Variants in ALX4 observed in about 807,000 individuals in gnomAD.
The protein encoded by ALX4 is homeobox protein aristaless-like 4.
A neutral mutation model predicts 40.6 loss-of-function variants in ALX4; 22 were observed. The observed-to-expected ratio is 0.54, with a 90% CI of 0.39 to 0.77. The LOEUF (loss-of-function observed/expected upper bound fraction) is 0.77. Ranked by LOEUF, ALX4 falls within the 30% of genes least tolerant of loss-of-function variation. The pLI, the probability that ALX4 is intolerant of heterozygous loss-of-function variation, is 0.00. For missense variants in ALX4, 556 were observed against 564.8 expected (o/e 0.98, Z 0.16); for synonymous variants, 266 against 240.5 (o/e 1.11, Z -0.98).
intron 1 of ALX4, among the ~76,000 whole-genome samples, chr11:44,291,252 G>A (rs1956366967): frequency 6.6e-6 from 1 of 152,138 alleles, no homozygotes; most frequent in African/African-American, 2.4e-5. Flanking sequence ...TTTAAAGAGT[G>A]GATTCACGGC....
At chr11:44,301,711 C>T (rs775142399) in intron 1 of ALX4, among the ~76,000 whole-genome samples, 37 of 152,330 alleles carry the variant, frequency 2.4e-4, no homozygotes, top group Non-Finnish European at 4.6e-4. Context: ...TGCCTTTCCA[C>T]CCATTGTAGT....
rs562845975 is a variant in ALX4, at chr11:44,283,172, G to A, written c.467-7514C>T. On this transcript the variant is annotated intron_variant, in intron 1 of 3. Transcript: ENST00000652299. ...TGAGGCAGGAGAATCGCTTGAACAC[G>A]GGAGGTGCAGATTACACTGAACTGA... 4.6e-5 allele frequency among the ~76,000 whole-genome samples: 7 copies of A among 151,500 alleles called. No individual in the cohort carries two copies. The East Asian group carries it at 9.7e-4, about 21-fold the overall frequency.
chr11:44,280,085 C>T (rs1159549755), intron 1 of ALX4, among the ~76,000 whole-genome samples: 4 of 152,158 alleles, frequency 2.6e-5, no homozygotes, highest in Admixed American at 6.5e-5. Context: ...GGGAGAAAGT[C>T]GGGTGGGATA....
At chr11:44,279,865 C>A (rs761366165) in intron 1 of ALX4, among the ~76,000 whole-genome samples, 3 of 151,932 alleles carry the variant, frequency 2.0e-5, no homozygotes, top group Non-Finnish European at 4.4e-5. Flanking sequence ...CCTTCTCAGC[C>A]TGAGGCTCAG....
In ALX4 at chr11:44,267,534, T is replaced by C. The variant is rs1320494944; in HGVS notation, c.866A>G (p.Tyr289Cys). 12 of 1,614,006 alleles carry C rather than the reference T, an allele frequency of 7.4e-6. No individual in the cohort carries two copies. Among genetic ancestry groups the C allele is most frequent in the Non-Finnish European group, 9.3e-6 (11 of 1,180,022 alleles). The change falls in exon 3 of 4, where the codon TAT (tyrosine) becomes TGT (cysteine). Residue 289 changes from tyrosine (Y) to cysteine (C), a missense_variant. Transcript: ENST00000652299. The part of the protein sequence containing the change: ...QQVRTHFSTA[Y>C]ELPLLTRAEN... ...AGCTCGGGTGAGGAGGGGCAGCTCATATGCAGTGGAGAAGTGGGTTCGAAC... is the reference window on the plus strand; with the variant it reads ...AGCTCGGGTGAGGAGGGGCAGCTCACATGCAGTGGAGAAGTGGGTTCGAAC...
chr11:44,309,547 G>C, intron 1 of ALX4, 50 bp downstream of exon 1: 3 of 1,536,348 alleles, frequency 2.0e-6, no homozygotes, highest in Non-Finnish European at 2.6e-6. Flanking sequence ...GGATGCGGAA[G>C]CCAAGCACCC....
chr11:44,308,297 C>T (rs1956481477), intron 1 of ALX4, among the ~76,000 whole-genome samples: 1 of 152,204 alleles, frequency 6.6e-6, no homozygotes, highest in Non-Finnish European at 1.5e-5. Flanking sequence ...AAAGAAGGAA[C>T]CTGAATACGA....
rs1956494710 is a variant in ALX4, at chr11:44,309,718, C to T, written c.345G>A (p.Gln115=). 1 of 1,570,486 alleles carries T rather than the reference C, an allele frequency of 6.4e-7. No individual in the cohort carries two copies. The highest frequency in any genetic ancestry group is 2.4e-5 in the East Asian group (1 of 42,222). Residue 115 remains glutamine, a synonymous_variant, in exon 1 of 4, where the codon CAG becomes CAA. Transcript: ENST00000652299. ...PQPQQQQPQP[Q]PPAQPHLYLQ... ...AGTAAAGATGCGGTTGCGCGGGCGGCTGGGGCTGCGGCTGCTGCTGCTGCG... is the reference window on the plus strand; with the variant it reads ...AGTAAAGATGCGGTTGCGCGGGCGGTTGGGGCTGCGGCTGCTGCTGCTGCG...
chr11:44,268,904 A>G (rs1430725850), intron 2 of ALX4, among the ~76,000 whole-genome samples: 2 of 152,218 alleles, frequency 1.3e-5, no homozygotes, highest in Non-Finnish European at 2.9e-5. Context: ...GGGAGAACAG[A>G]GCCATGACAA....
chr11:44,278,488 G>T (rs1956290784), intron 1 of ALX4, among the ~76,000 whole-genome samples: 1 of 152,162 alleles, frequency 6.6e-6, no homozygotes, highest in African/African-American at 2.4e-5. Flanking sequence ...AGGGAGTGAG[G>T]ATGCGGCCTG....
At chr11:44,271,946 A>G (rs1956250555) in intron 2 of ALX4, among the ~76,000 whole-genome samples, 1 of 152,224 alleles carries the variant, frequency 6.6e-6, no homozygotes, top group African/African-American at 2.4e-5. Context: ...GGTTTATCCC[A>G]CACCAACACA....
At chr11:44,308,314 A>T (rs1018816240) in intron 1 of ALX4, among the ~76,000 whole-genome samples, 1 of 152,246 alleles carries the variant, frequency 6.6e-6, no homozygotes, top group Non-Finnish European at 1.5e-5. Flanking sequence ...ACGAGAAAAT[A>T]TCTGCCATCG....
chr11:44,266,524 G>C (rs914902166), intron 3 of ALX4, among the ~76,000 whole-genome samples: 7 of 152,206 alleles, frequency 4.6e-5, no homozygotes, highest in African/African-American at 2.4e-5. Flanking sequence ...GGCTGGTCTG[G>C]TTGGAGAGCC....
Position 44,264,830 on chromosome 11 carries a change from TG to T in ALX4, c.*23del. The T allele has an allele frequency of 1.2e-6, 2 of 1,610,124 alleles. No homozygotes were observed. Among genetic ancestry groups the T allele is most frequent in the South Asian group, 1.1e-5 (1 of 90,948 alleles). ...GGGCGTGGCCCATGGTGTCCCGAGG[TG>T]GGGACGGGGCAGGGGTGCCCTGTCA... On this transcript the variant is annotated 3_prime_UTR_variant, in exon 4 of 4. Coordinates refer to ENST00000652299, the MANE Select transcript of ALX4 (RefSeq NM_021926.4).
intron 1 of ALX4, among the ~76,000 whole-genome samples, chr11:44,286,927 T>TG (rs980201396): frequency 6.6e-6 from 1 of 152,180 alleles, no homozygotes; most frequent in African/African-American, 2.4e-5. Context: ...TGGAGACCCA[T>TG]GGGGATTCCT....
rs1449523680 is a variant in ALX4 at position 44,262,009 on chromosome 11, C to CA, written c.*2844dup. ...ACCTGTCTTGGAAGGGACTGGGCCCCAAGGTTCTCTTCTGGAGAACTGAGC... is the reference window on the plus strand; with the variant it reads ...ACCTGTCTTGGAAGGGACTGGGCCCCAAAGGTTCTCTTCTGGAGAACTGAGC... On this transcript the variant is annotated 3_prime_UTR_variant, in exon 4 of 4. Coordinates refer to ENST00000652299, the MANE Select transcript of ALX4 (RefSeq NM_021926.4). The CA allele has an allele frequency of 5.9e-5, 9 of 152,280 alleles. No homozygotes were observed. Among genetic ancestry groups the CA allele is most frequent in the Admixed American group, 5.9e-4 (9 of 15,286 alleles). The allele number at this position is 152,280 out of a possible 1,614,324, so 9.4% of individuals were successfully genotyped here. A position where few individuals can be genotyped will look rare whatever the true frequency, so the allele number is the denominator to read the frequency against.
At chr11:44,296,835 C>G (rs1393472766) in intron 1 of ALX4, among the ~76,000 whole-genome samples, 1 of 151,850 alleles carries the variant, frequency 6.6e-6, no homozygotes, top group African/African-American at 2.4e-5. Flanking sequence ...GTGGCAAAAC[C>G]CCATCTCTAC....
Position 44,260,850 on chromosome 11 carries a change from G to A in ALX4, c.*4004C>T, listed in dbSNP as rs1389461027. On this transcript the variant is annotated 3_prime_UTR_variant, in exon 4 of 4. Coordinates refer to ENST00000652299, the MANE Select transcript of ALX4 (RefSeq NM_021926.4). ...AAATATCTTACAATGAGAACAATAA[G>A]TAACGGTTGAGGTTCATGTTCCTTC... 2 of 152,086 alleles carry A rather than the reference G, an allele frequency of 1.3e-5. No homozygotes were observed. Among genetic ancestry groups the A allele is most frequent in the Non-Finnish European group, 2.9e-5 (2 of 68,024 alleles). 9.4% of individuals were successfully genotyped at this position (152,086 alleles called of 1,614,324 possible). A position where few individuals can be genotyped will look rare whatever the true frequency, so the allele number is the denominator to read the frequency against.
intron 3 of ALX4, among the ~76,000 whole-genome samples, chr11:44,266,709 G>A (rs565085028): frequency 2.0e-5 from 3 of 152,234 alleles, no homozygotes; most frequent in African/African-American, 7.2e-5. Context: ...CTGAGTGGGG[G>A]TCAGGAGAGG....
Sources: allele counts gnomAD v4.1 joint callset (sites outside exome capture counted in the v4.1 genomes callset), GRCh38; gene constraint gnomAD v4.1.1; transcripts MANE v1.5; gene names NCBI Gene and HGNC (gene_info 2026-07-23, HGNC 2026-07-21).